Variants in INKA2 observed in about 807,000 individuals in gnomAD.
The protein encoded by INKA2 is inka box actin regulator 2, also known as PAK4-inhibitor INKA2.
In INKA2, 3 loss-of-function variants were observed where a neutral mutation model predicts 9.8. The observed-to-expected ratio is 0.31, with a 90% CI of 0.14 to 0.79. INKA2 has a LOEUF of 0.79. Ranked by LOEUF, INKA2 falls within the 30% of genes least tolerant of loss-of-function variation. The probability of loss-of-function intolerance (pLI) is 0.62; values close to 1 mark genes in which losing one functional copy is unlikely to be tolerated. For missense variants in INKA2, 392 were observed against 384.4 expected (o/e 1.02, Z -0.17); for synonymous variants, 147 against 143.3 (o/e 1.03, Z -0.18).
At position 111,726,239 on chromosome 1, in the gene INKA2, A is replaced by C. The variant is rs991381440; in HGVS notation, c.*729T>G. ...TTCAAATGAGACCATGGAGATGAAA[A>C]GGCATTCAAACAGCCCAGTGCTATG... On this transcript the variant is annotated 3_prime_UTR_variant, in exon 2 of 2. Transcript: ENST00000357260. 1 of 390,940 alleles carries C rather than the reference A, an allele frequency of 2.6e-6. No homozygotes were observed. Among genetic ancestry groups the C allele is most frequent in the Admixed American group, 4.4e-5 (1 of 22,504 alleles). The allele number at this position is 390,940 out of a possible 1,614,324, so 24.2% of individuals were successfully genotyped here.
chr1:111,735,285 A>G (rs1253406745), intron 1 of INKA2, among the ~76,000 whole-genome samples: 1 of 152,220 alleles, frequency 6.6e-6, no homozygotes, highest in Non-Finnish European at 1.5e-5. Context: ...CTATGTATGA[A>G]TGACTCTTAC....
chr1:111,733,475 G>A (rs1662953557), intron 1 of INKA2, among the ~76,000 whole-genome samples: 1 of 152,238 alleles, frequency 6.6e-6, no homozygotes, highest in African/African-American at 2.4e-5. Context: ...AGAAACCAGG[G>A]CAACCAGCAG....
intron 1 of INKA2, among the ~76,000 whole-genome samples, chr1:111,737,241 G>A (rs1424093182): frequency 6.6e-6 from 1 of 152,204 alleles, no homozygotes. Flanking sequence ...GGGGGCTCAA[G>A]TCCTTGGCAG....
At chr1:111,741,318 G>C (rs1663146326), upstream of INKA2, among the ~76,000 whole-genome samples, 4 of 152,348 alleles carry the variant, frequency 2.6e-5, 1 homozygote, top group Admixed American at 2.6e-4. Context: ...AATATGGGCT[G>C]AACTTGGTCG....
At chr1:111,735,077 C>G (rs956761116) in intron 1 of INKA2, among the ~76,000 whole-genome samples, 1 of 152,194 alleles carries the variant, frequency 6.6e-6, no homozygotes, top group Non-Finnish European at 1.5e-5. Context: ...AGTAAAACTT[C>G]TTAGTGTTGT....
chr1:111,739,314 TC>T lies in INKA2; in HGVS notation c.-73del. 6.3e-7 allele frequency: 1 copy of T among 1,595,830 alleles called. No individual in the cohort carries two copies. Among genetic ancestry groups the T allele is most frequent in the Non-Finnish European group, 8.5e-7 (1 of 1,171,202 alleles). On this transcript the variant is annotated 5_prime_UTR_variant, in exon 1 of 2. Transcript: ENST00000357260. Reference sequence around the variant, plus strand: ...ACCCCGGCCCCACTGGAAACTGCGCTCCGGGCCGGCTCCCCGCCCCTGCGCC... The same window carrying T: ...ACCCCGGCCCCACTGGAAACTGCGCTCGGGCCGGCTCCCCGCCCCTGCGCC...
At position 111,727,390 on chromosome 1, in the gene INKA2, C is replaced by T; in HGVS notation, c.472G>A (p.Gly158Arg). ...RGRNRQPLVLGDNVFADLVGN... is the reference protein window; with the variant it reads ...RGRNRQPLVLRDNVFADLVGN... Reference sequence around the variant, plus strand: ...ACCAGGTCTGCAAAAACGTTGTCCCCTAACACCAGAGGCTGTCGATTCCGG... The same window carrying T: ...ACCAGGTCTGCAAAAACGTTGTCCCTTAACACCAGAGGCTGTCGATTCCGG... Residue 158 changes from glycine (G) to arginine (R), a missense_variant, in exon 2 of 2, where the codon GGG becomes AGG. Coordinates refer to ENST00000357260, the MANE Select transcript of INKA2 (RefSeq NM_019099.5). 1.9e-6 allele frequency: 3 copies of T among 1,613,980 alleles called. No individual in the cohort carries two copies. The highest frequency in any genetic ancestry group is 1.7e-6 in the Non-Finnish European group (2 of 1,179,958).
chr1:111,752,683 G>GTTTTCT (rs1398358579), intron 1 of INKA2, among the ~76,000 whole-genome samples: 1 of 151,476 alleles, frequency 6.6e-6, no homozygotes, highest in East Asian at 1.9e-4. Context: ...CCTTTATACT[G>GTTTTCT]TTTTCTTTTT....
In INKA2 at chr1:111,727,676, A is replaced by T. The variant is rs763161009; in HGVS notation, c.186T>A (p.Pro62=). The change falls in exon 2 of 2, where the codon CCT becomes CCA. Residue 62 remains proline, a synonymous_variant. Coordinates refer to ENST00000357260, the MANE Select transcript of INKA2 (RefSeq NM_019099.5). The stretch of plus-strand genomic sequence containing the variant: ...TGGGACCTTCAGGGCTGCCTGGCAC[A>T]GGACCCCCTCCAGAGATCTCCAGCT... ...LEQLEISGGG[P]VPGSPEGPRT... is the part of the protein sequence containing the mutation. 3 of 1,612,260 alleles carry T rather than the reference A, an allele frequency of 1.9e-6. No homozygotes were observed. The highest frequency in any genetic ancestry group is 2.5e-6 in the Non-Finnish European group (3 of 1,179,008).
upstream of INKA2, among the ~76,000 whole-genome samples, chr1:111,743,587 G>A (rs1557914783): frequency 6.6e-6 from 1 of 152,166 alleles, no homozygotes; most frequent in Non-Finnish European, 1.5e-5. Context: ...CCATTCTCCT[G>A]GCTCCAGATC....
rs1662707633 is a variant in INKA2, at chr1:111,723,961, A to T, written c.*3007T>A. ...GGACAATTAGTGGGATCGTCTGAAA[A>T]GCACAAGATTGCAAGTCAGTTGGAA... On this transcript the variant is annotated 3_prime_UTR_variant, in exon 2 of 2. Coordinates refer to ENST00000357260, the MANE Select transcript of INKA2 (RefSeq NM_019099.5). 1 of 152,260 alleles carries T rather than the reference A, an allele frequency of 6.6e-6. No homozygotes were observed. The highest frequency in any genetic ancestry group is 2.4e-5 in the African/African-American group (1 of 41,460). The allele number at this position is 152,260 out of a possible 1,614,324, so 9.4% of individuals were successfully genotyped here. A position where few individuals can be genotyped will look rare whatever the true frequency, so the allele number is the denominator to read the frequency against.
intron 1 of INKA2, among the ~76,000 whole-genome samples, chr1:111,738,516 G>T (rs1557912480): frequency 1.3e-5 from 2 of 151,880 alleles, no homozygotes; most frequent in Non-Finnish European, 2.9e-5. Context: ...TCCCGCTCTC[G>T]ATTTGCCAGG....
intron 1 of INKA2, among the ~76,000 whole-genome samples, chr1:111,731,241 T>A (rs1662898379): frequency 6.6e-6 from 1 of 152,228 alleles, no homozygotes; most frequent in African/African-American, 2.4e-5. Context: ...TATTCTGCAT[T>A]GGTTAATAAT....
chr1:111,751,169 G>C (rs1663400781), intron 1 of INKA2, among the ~76,000 whole-genome samples: 1 of 152,168 alleles, frequency 6.6e-6, no homozygotes, highest in Non-Finnish European at 1.5e-5. Context: ...CCAGGAATTA[G>C]GTAAACAATG....
In INKA2 at chr1:111,727,167, C is replaced by T. The variant is rs781388407; in HGVS notation, c.695G>A (p.Trp232Ter). 6.2e-7 allele frequency: 1 copy of T among 1,614,108 alleles called. No individual in the cohort carries two copies. The highest frequency in any genetic ancestry group is 8.5e-7 in the Non-Finnish European group (1 of 1,180,044). Residue 232 changes from tryptophan (W) to a stop codon, truncating the protein, a stop_gained, in exon 2 of 2, where the codon TGG becomes TAG. Transcript: ENST00000357260. LOFTEE classifies it high-confidence loss of function. ...RDRLLKEKPG[W>*]VTPMVPESRT... ...GGACTCAGGGACCATGGGTGTCACC[C>T]AGCCTGGCTTCTCCTTCAGCAGCCG... is the stretch of plus-strand genomic sequence containing the variant.
chr1:111,750,410 T>G (rs197383), intron 1 of INKA2, among the ~76,000 whole-genome samples: 2 of 152,120 alleles, frequency 1.3e-5, no homozygotes, highest in Non-Finnish European at 2.9e-5. Flanking sequence ...ACATTCTATC[T>G]AGAAGGGCAG....
At chr1:111,741,072 C>T (rs181474635), upstream of INKA2, among the ~76,000 whole-genome samples, 11 of 113,258 alleles carry the variant, frequency 9.7e-5, no homozygotes, top group African/African-American at 3.3e-4. Flanking sequence ...AGAGACATGG[C>T]GCGGGGAGGG....
chr1:111,734,819 T>C lies in INKA2; in HGVS notation c.57+4367A>G, dbSNP rs78410834. 3.3e-3 allele frequency among the ~76,000 whole-genome samples: 500 copies of C among 152,344 alleles called. 1 individual carries two copies. The highest frequency in any genetic ancestry group is 0.012 in the South Asian group (60 of 4,830). ...CTACCTCTTCCATGACATGAAGCTT[T>C]CTCCAATCTCCCAGCTGGAGTTTAC... On this transcript the variant is annotated intron_variant, in intron 1 of 1. Transcript: ENST00000357260.
chr1:111,739,289 A>G lies in INKA2; in HGVS notation c.-47T>C. The G allele has an allele frequency of 2.5e-6, 4 of 1,608,828 alleles. No individual in the cohort carries two copies. The highest frequency in any genetic ancestry group is 3.4e-6 in the Non-Finnish European group (4 of 1,177,840). On this transcript the variant is annotated 5_prime_UTR_variant, in exon 1 of 2. Transcript: ENST00000357260. ...TTCAAACAGAGAGGGCCCGGGTGAA[A>G]CCCCGGCCCCACTGGAAACTGCGCT...
Sources: gnomAD v4.1 joint callset for allele counts (sites outside exome capture counted in the v4.1 genomes callset) on GRCh38, gnomAD v4.1.1 for gene constraint, MANE v1.5 for transcripts, NCBI Gene and HGNC (gene_info 2026-07-23, HGNC 2026-07-21) for gene names.